Variants in CCSER1 observed in about 807,000 individuals in gnomAD.
The protein encoded by CCSER1 is coiled-coil serine rich protein 1, also known as serine-rich coiled-coil domain-containing protein 1.
In CCSER1, 41 loss-of-function variants were observed where a neutral mutation model predicts 82.0. The observed-to-expected ratio is 0.50, with a 90% CI of 0.39 to 0.65. The LOEUF is 0.65. Ranked by LOEUF, CCSER1 falls within the 30% of genes least tolerant of loss-of-function variation. CCSER1 has a pLI of 0.00. For synonymous variants in CCSER1, 414 were observed against 383.9 expected (o/e 1.08, Z -0.92); for missense variants, 1,119 against 1,064.2 (o/e 1.05, Z -0.72).
intron 5 of CCSER1, among the ~76,000 whole-genome samples, chr4:90,622,377 C>T (rs1722475285): frequency 6.6e-6 from 1 of 152,052 alleles, no homozygotes; most frequent in South Asian, 2.1e-4. Context: ...CCATTAACTC[C>T]TTATTTACAT....
In CCSER1 at chr4:90,579,083, T is replaced by C. The variant is rs570635328; in HGVS notation, c.1725-48942T>C. Among the ~76,000 whole-genome samples, 45 of 152,302 alleles carry C rather than the reference T, an allele frequency of 3.0e-4. 1 individual carries two copies. In the South Asian group the frequency reaches 8.9e-3, roughly 30 times the overall value. On this transcript the variant is annotated intron_variant, in intron 5 of 10. Transcript: ENST00000509176. ...TCCTAGCTACTTAAAATGATTTATA[T>C]TTTTAAATTATAAAACTAAGAAAAA... is the stretch of plus-strand genomic sequence containing the variant.
chr4:90,595,065 A>G (rs537212759), intron 5 of CCSER1, among the ~76,000 whole-genome samples: 1 of 152,182 alleles, frequency 6.6e-6, no homozygotes, highest in East Asian at 1.9e-4. Context: ...GTTACTTATC[A>G]GAGAATTCAT....
chr4:91,103,772 C>A (rs1266124006), intron 10 of CCSER1, among the ~76,000 whole-genome samples: 1 of 151,974 alleles, frequency 6.6e-6, no homozygotes, highest in Non-Finnish European at 1.5e-5. Flanking sequence ...AATATGAAAT[C>A]AGTGAACCTT....
chr4:91,314,734 G>T (rs1337280950), intron 10 of CCSER1, among the ~76,000 whole-genome samples: 1 of 151,886 alleles, frequency 6.6e-6, no homozygotes, highest in Non-Finnish European at 1.5e-5. Context: ...GACATTTCTG[G>T]GTTGTTATCT....
Position 91,107,493 on chromosome 4 carries a change from G to T in CCSER1, c.2217+21499G>T, listed in dbSNP as rs145977502. ...GATGGTCTGAATCTCCTGACCTCGTGATCCACCCGCCTTGGCCTCCCATAG... is the reference window on the plus strand; with the variant it reads ...GATGGTCTGAATCTCCTGACCTCGTTATCCACCCGCCTTGGCCTCCCATAG... On this transcript the variant is annotated intron_variant, in intron 10 of 10. Transcript: ENST00000509176. Among the ~76,000 whole-genome samples the T allele has an allele frequency of 1.2e-4, 19 of 152,210 alleles. No homozygotes were observed. In the East Asian group the frequency reaches 2.1e-3, roughly 17 times the overall value.
In CCSER1 at chr4:91,161,478, A is replaced by G. The variant is rs142001667; in HGVS notation, c.2217+75484A>G. On this transcript the variant is annotated intron_variant, in intron 10 of 10. Transcript: ENST00000509176. ...GCTTGGTGGGGATGGCATTGAATCT[A>G]TAAATTACCTTGGGCAGTATGGCCA... Among the ~76,000 whole-genome samples, 825 of 152,238 alleles carry G rather than the reference A, an allele frequency of 5.4e-3. 7 individuals carry two copies. The highest frequency in any genetic ancestry group is 0.019 in the African/African-American group (781 of 41,540).
chr4:90,963,504 G>A (rs985668906), intron 9 of CCSER1, among the ~76,000 whole-genome samples: 1 of 151,812 alleles, frequency 6.6e-6, no homozygotes, highest in African/African-American at 2.4e-5. Flanking sequence ...TAGAGATAGG[G>A]CCTTAGGGAA....
At chr4:90,494,676 G>T (rs960207578) in intron 5 of CCSER1, among the ~76,000 whole-genome samples, 1 of 152,122 alleles carries the variant, frequency 6.6e-6, no homozygotes, top group South Asian at 2.1e-4. Flanking sequence ...TGTCTGCAAC[G>T]TATCTGGTAT....
chr4:90,511,144 G>A (rs1478919406), intron 5 of CCSER1, among the ~76,000 whole-genome samples: 1 of 152,164 alleles, frequency 6.6e-6, no homozygotes, highest in Non-Finnish European at 1.5e-5. Flanking sequence ...ATCAGTCTGG[G>A]TGCAGTGGCT....
At position 90,158,609 on chromosome 4, in the gene CCSER1, C is replaced by T. The variant is rs539271029; in HGVS notation, c.-42+30778C>T. On this transcript the variant is annotated intron_variant, in intron 1 of 10. Coordinates refer to ENST00000509176, the MANE Select transcript of CCSER1 (RefSeq NM_001145065.2). Reference sequence around the variant, plus strand: ...GGGCTCCCCTCCCCAGCCTGGCTGCCGCCTTGCAGTTTGATCTCAGACTGC... The same window carrying T: ...GGGCTCCCCTCCCCAGCCTGGCTGCTGCCTTGCAGTTTGATCTCAGACTGC... 5.9e-5 allele frequency among the ~76,000 whole-genome samples: 9 copies of T among 152,300 alleles called. 1 individual carries two copies. In the South Asian group the frequency reaches 6.2e-4, roughly 11 times the overall value.
chr4:90,386,983 C>G (rs1040707134), intron 3 of CCSER1, among the ~76,000 whole-genome samples: 1 of 152,088 alleles, frequency 6.6e-6, no homozygotes, highest in East Asian at 1.9e-4. Flanking sequence ...GGTTAGGAAA[C>G]TTTTCTTTCT....
chr4:91,538,783 A>G (rs945495995), intron 10 of CCSER1, among the ~76,000 whole-genome samples: 1 of 145,414 alleles, frequency 6.9e-6, no homozygotes, highest in Non-Finnish European at 1.5e-5. Context: ...AGACAAATTG[A>G]GAAGTTAGCA....
chr4:90,391,393 T>C (rs1298111752), intron 3 of CCSER1, among the ~76,000 whole-genome samples: 4 of 142,082 alleles, frequency 2.8e-5, no homozygotes, highest in South Asian at 2.2e-4. Context: ...TTACACATTG[T>C]AGGCTTGTAT....
At chr4:90,954,751 A>G (rs1343700813) in intron 9 of CCSER1, among the ~76,000 whole-genome samples, 1 of 151,568 alleles carries the variant, frequency 6.6e-6, no homozygotes, top group Non-Finnish European at 1.5e-5. Flanking sequence ...TGGCTTTGAA[A>G]TTCGTTTTTA....
intron 10 of CCSER1, among the ~76,000 whole-genome samples, chr4:91,393,658 A>T (rs1186570897): frequency 2.6e-5 from 4 of 152,032 alleles, no homozygotes; most frequent in Admixed American, 6.6e-5. Flanking sequence ...ATTCAGCTTA[A>T]TTGGGTTATA....
At chr4:91,449,765 T>A (rs1755770792) in intron 10 of CCSER1, among the ~76,000 whole-genome samples, 1 of 152,086 alleles carries the variant, frequency 6.6e-6, no homozygotes, top group African/African-American at 2.4e-5. Flanking sequence ...ATTAAAATTT[T>A]AAGTTTGTTG....
At chr4:90,230,269 G>A (rs1267253297) in intron 1 of CCSER1, among the ~76,000 whole-genome samples, 19 of 152,088 alleles carry the variant, frequency 1.2e-4, no homozygotes, top group African/African-American at 4.3e-4. Flanking sequence ...ATAACAAACT[G>A]TCTCTCAGAC....
intron 10 of CCSER1, among the ~76,000 whole-genome samples, chr4:91,519,131 TG>T (rs1760307654): frequency 6.6e-6 from 1 of 152,186 alleles, no homozygotes; most frequent in African/African-American, 2.4e-5. Flanking sequence ...GTAGATGTGC[TG>T]GAGACCTAGG....
At chr4:91,388,064 T>C (rs2149346304) in intron 10 of CCSER1, among the ~76,000 whole-genome samples, 1 of 152,200 alleles carries the variant, frequency 6.6e-6, no homozygotes, top group South Asian at 2.1e-4. Context: ...AATATCATTA[T>C]TGATCAATTG....
Sources: gnomAD v4.1 joint callset for allele counts (sites outside exome capture counted in the v4.1 genomes callset) on GRCh38, gnomAD v4.1.1 for gene constraint, MANE v1.5 for transcripts, NCBI Gene and HGNC (gene_info 2026-07-23, HGNC 2026-07-21) for gene names.